The following ZNF407 variants were observed in gnomAD, a reference collection of about 807,000 sequenced individuals.
The protein encoded by ZNF407 is zinc finger protein 407.
In ZNF407, 17 loss-of-function variants were observed where a neutral mutation model predicts 131.2. That is an observed-to-expected ratio of 0.13 (90% CI 0.09 to 0.19). The LOEUF (loss-of-function observed/expected upper bound fraction) is 0.19. Ranked by LOEUF, ZNF407 falls within the 10% of genes least tolerant of loss-of-function variation. The pLI is 1.00. For missense variants in ZNF407, 2,681 were observed against 2,830.6 expected (o/e 0.95, Z 1.20); for synonymous variants, 1,156 against 1,062.0 (o/e 1.09, Z -1.72).
At chr18:74,768,670 TC>T (rs1344986747) in intron 3 of ZNF407, among the ~76,000 whole-genome samples, 1 of 152,208 alleles carries the variant, frequency 6.6e-6, no homozygotes, top group Non-Finnish European at 1.5e-5. Flanking sequence ...GATAGATTTT[TC>T]TTACACCGTT....
chr18:74,876,094 G>A (rs1303213057), intron 4 of ZNF407, among the ~76,000 whole-genome samples: 2 of 152,204 alleles, frequency 1.3e-5, no homozygotes, highest in South Asian at 2.1e-4. Flanking sequence ...GTAAAAGTAT[G>A]GTTAAAGACT....
intron 4 of ZNF407, among the ~76,000 whole-genome samples, chr18:74,790,016 G>A (rs1416496352): frequency 1.3e-5 from 2 of 151,966 alleles, no homozygotes; most frequent in African/African-American, 4.8e-5. Context: ...CTTGTTTACT[G>A]TATCTCTAAT....
At chr18:74,600,719 T>C (rs4891567) in intron 1 of ZNF407, among the ~76,000 whole-genome samples, 150,789 of 152,308 alleles carry the variant, frequency 0.99, 74,664 homozygotes, top group Middle Eastern at 1. Flanking sequence ...AATCCAGTTT[T>C]GGATAGAAGA....
intron 3 of ZNF407, among the ~76,000 whole-genome samples, chr18:74,725,257 T>G (rs953758924): frequency 1.3e-5 from 2 of 152,204 alleles, no homozygotes; most frequent in African/African-American, 4.8e-5. Flanking sequence ...CAGCTCAGAC[T>G]CCCTGAGTAG....
chr18:74,805,603 T>C (rs1338137865), intron 4 of ZNF407, among the ~76,000 whole-genome samples: 1 of 152,230 alleles, frequency 6.6e-6, no homozygotes, highest in African/African-American at 2.4e-5. Context: ...ATAAGAATGT[T>C]ATCAATACAT....
chr18:74,788,442 T>G (rs1969762090), intron 4 of ZNF407, among the ~76,000 whole-genome samples: 1 of 152,108 alleles, frequency 6.6e-6, no homozygotes. Flanking sequence ...TTTTTACTTC[T>G]CAGACTTATT....
At chr18:74,806,001 A>G (rs1239985710) in intron 4 of ZNF407, among the ~76,000 whole-genome samples, 1 of 152,126 alleles carries the variant, frequency 6.6e-6, no homozygotes, top group African/African-American at 2.4e-5. Flanking sequence ...TAGTGATGTA[A>G]CTCTTTTTGT....
At chr18:74,608,535 C>T (rs1213091638) in intron 1 of ZNF407, among the ~76,000 whole-genome samples, 2 of 152,000 alleles carry the variant, frequency 1.3e-5, no homozygotes, top group African/African-American at 2.4e-5. Context: ...TTGGTAGATA[C>T]GTGGTTTCTC....
At chr18:74,973,428 G>A (rs930389804) in intron 8 of ZNF407, among the ~76,000 whole-genome samples, 2 of 152,166 alleles carry the variant, frequency 1.3e-5, no homozygotes, top group East Asian at 3.8e-4. Flanking sequence ...GTTTTCTAGT[G>A]TTTATTTGAT....
At chr18:74,682,429 G>A (rs1220167132) in intron 3 of ZNF407, among the ~76,000 whole-genome samples, 1 of 152,178 alleles carries the variant, frequency 6.6e-6, no homozygotes, top group Admixed American at 6.5e-5. Context: ...CAGCTTCGTA[G>A]TAGTGCCATG....
At chr18:75,058,530 C>A (rs1973588258) in intron 8 of ZNF407, among the ~76,000 whole-genome samples, 1 of 152,178 alleles carries the variant, frequency 6.6e-6, no homozygotes, top group Non-Finnish European at 1.5e-5. Flanking sequence ...ACTACTGTTA[C>A]TGTATTGAAA....
At chr18:74,734,222 T>C (rs1968358638) in intron 3 of ZNF407, among the ~76,000 whole-genome samples, 1 of 152,198 alleles carries the variant, frequency 6.6e-6, no homozygotes, top group Admixed American at 6.5e-5. Flanking sequence ...ACTTGGTTGC[T>C]CTTTTTACTC....
chr18:74,824,214 T>C (rs1177313209), intron 4 of ZNF407, among the ~76,000 whole-genome samples: 1 of 152,112 alleles, frequency 6.6e-6, no homozygotes, highest in Non-Finnish European at 1.5e-5. Context: ...TTTAAAGAAG[T>C]GTGTAGAGGG....
intron 8 of ZNF407, among the ~76,000 whole-genome samples, chr18:74,953,520 T>A (rs1231453321): frequency 6.6e-6 from 1 of 152,162 alleles, no homozygotes. Context: ...GATTGCTAAT[T>A]TCCCTTGTAT....
At chr18:74,690,953 G>A (rs1428109257) in intron 3 of ZNF407, among the ~76,000 whole-genome samples, 7 of 152,076 alleles carry the variant, frequency 4.6e-5, no homozygotes, top group Admixed American at 2.6e-4. Flanking sequence ...AATATTCTTC[G>A]TATGCTTCAA....
At position 74,632,133 on chromosome 18, in the gene ZNF407, G is replaced by A. The variant is rs376455038; in HGVS notation, c.1114G>A (p.Ala372Thr). 2 of 1,613,872 alleles carry A rather than the reference G, an allele frequency of 1.2e-6. No individual in the cohort carries two copies. The highest frequency in any genetic ancestry group is 2.7e-5 in the African/African-American group (2 of 74,920). ...AGAACATGTTACTTCCCTTGGTCTA[G>A]CTCAGAATCCTGAAAACCAGAGTAG... ...VEEHVTSLGL[A>T]QNPENQSRKL... Residue 372 changes from alanine (A) to threonine (T), a missense_variant, in exon 2 of 9, where the codon GCT (alanine) becomes ACT (threonine). Ala to Thr is a moderately conservative substitution (Grantham distance 58). Around this residue, in one of 6 missense-constraint regions of ZNF407, gnomAD observed 1,789 missense variants for 1,748.7 expected, o/e 1.02. Coordinates refer to ENST00000299687, the MANE Select transcript of ZNF407 (RefSeq NM_017757.3).
chr18:74,880,657 T>G (rs1971224861), intron 5 of ZNF407, among the ~76,000 whole-genome samples: 1 of 152,212 alleles, frequency 6.6e-6, no homozygotes, highest in Non-Finnish European at 1.5e-5. Context: ...ATACTGTATA[T>G]TAACTATTCC....
intron 8 of ZNF407, among the ~76,000 whole-genome samples, chr18:75,053,051 C>T (rs992270877): frequency 8.5e-5 from 13 of 152,178 alleles, no homozygotes; most frequent in Admixed American, 3.3e-4. Context: ...ACAGTGGAAT[C>T]GTGTGGTCCT....
Position 74,921,119 on chromosome 18 carries a change from T to C in ZNF407, c.5428+427T>C, listed in dbSNP as rs1447916064. The C allele has an allele frequency of 5.8e-6, 4 of 684,328 alleles. No homozygotes were observed. The East Asian group carries it at 4.1e-4, about 69-fold the overall frequency. The allele number at this position is 684,328 out of a possible 1,614,324, so 42.4% of individuals were successfully genotyped here. On this transcript the variant is annotated intron_variant, in intron 8 of 8. Coordinates refer to ENST00000299687, the MANE Select transcript of ZNF407 (RefSeq NM_017757.3). ...GTGAATGCCTAGAAAGAATGTGACC[T>C]GCGACCACGACCACGGAGTCAAGCG... is the stretch of plus-strand genomic sequence containing the variant.
Sources: gnomAD v4.1 joint callset for allele counts (sites outside exome capture counted in the v4.1 genomes callset) on GRCh38, gnomAD v4.1.1 for gene constraint, gnomAD v4.1.1 regional missense constraint, MANE v1.5 for transcripts, NCBI Gene and HGNC (gene_info 2026-07-23, HGNC 2026-07-21) for gene names.